Variants in LSAMP observed in about 807,000 individuals in gnomAD.
LSAMP encodes limbic system-associated membrane protein.
A neutral mutation model predicts 38.6 loss-of-function variants in LSAMP; 7 were observed. The observed-to-expected ratio is 0.18, with a 90% confidence interval of 0.10 to 0.34. LSAMP has a LOEUF of 0.34. Ranked by LOEUF, LSAMP falls within the 10% of genes least tolerant of loss-of-function variation. The probability of loss-of-function intolerance (pLI) is 1.00; values close to 1 mark genes in which losing one functional copy is unlikely to be tolerated. For missense variants in LSAMP, 313 were observed against 420.0 expected, an observed-to-expected ratio of 0.75 and a Z score of 2.23; for synonymous variants, 154 against 166.8, an observed-to-expected ratio of 0.92 and a Z score of 0.59.
intron 1 of LSAMP, among the ~76,000 whole-genome samples, chr3:116,355,894 T>A (rs2048215962): frequency 6.6e-6 from 1 of 152,174 alleles, no homozygotes; most frequent in East Asian, 1.9e-4. Flanking sequence ...TCATTCCAGT[T>A]AAAATGGCTT....
intron 1 of LSAMP, among the ~76,000 whole-genome samples, chr3:116,173,061 A>G (rs1002385494): frequency 2.0e-5 from 3 of 152,078 alleles, no homozygotes; most frequent in African/African-American, 7.2e-5. Context: ...ATTTCAACAT[A>G]CATGAATGTT....
chr3:116,317,356 C>CTTT (rs71616348), intron 1 of LSAMP, among the ~76,000 whole-genome samples: 2 of 140,050 alleles, frequency 1.4e-5, no homozygotes, highest in Non-Finnish European at 1.6e-5. Context: ...CTCTTTCTTT[C>CTTT]TTTTTTTTTT....
intron 2 of LSAMP, among the ~76,000 whole-genome samples, chr3:116,037,323 G>C (rs1941068838): frequency 6.6e-6 from 1 of 152,254 alleles, no homozygotes; most frequent in African/African-American, 2.4e-5. Flanking sequence ...ATAATAGTGA[G>C]AGGGACAAAC....
chr3:116,041,337 T>G (rs567567868), intron 2 of LSAMP, among the ~76,000 whole-genome samples: 1 of 152,264 alleles, frequency 6.6e-6, no homozygotes, highest in South Asian at 2.1e-4. Flanking sequence ...AGTTGCTTGT[T>G]AATGAACATC....
At chr3:116,306,657 C>T (rs912611056) in intron 1 of LSAMP, among the ~76,000 whole-genome samples, 5 of 151,924 alleles carry the variant, frequency 3.3e-5, no homozygotes, top group African/African-American at 1.2e-4. Context: ...GATTCCACAG[C>T]TGCAGGGAAA....
intron 3 of LSAMP, among the ~76,000 whole-genome samples, chr3:115,894,030 CT>C (rs1270359829): frequency 6.6e-6 from 1 of 151,990 alleles, no homozygotes; most frequent in Non-Finnish European, 1.5e-5. Context: ...TTCATGTCTG[CT>C]TTCTCCCTTT....
At chr3:115,813,049 CACAT>C (rs1933890448) in intron 6 of LSAMP, among the ~76,000 whole-genome samples, 1 of 151,940 alleles carries the variant, frequency 6.6e-6, no homozygotes, top group Admixed American at 6.6e-5. Context: ...ATGATATACA[CACAT>C]ATTATTGATC....
chr3:116,324,508 T>C (rs867226998), intron 1 of LSAMP, among the ~76,000 whole-genome samples: 4 of 152,196 alleles, frequency 2.6e-5, no homozygotes, highest in African/African-American at 7.2e-5. Context: ...CTGATCTATA[T>C]AGACATTTAC....
intron 1 of LSAMP, among the ~76,000 whole-genome samples, chr3:116,251,233 TC>T (rs1274335753): frequency 6.6e-6 from 1 of 152,214 alleles, no homozygotes; most frequent in Non-Finnish European, 1.5e-5. Flanking sequence ...TGATTAAACA[TC>T]AATTTAACTT....
chr3:115,912,900 A>G (rs184491052), intron 3 of LSAMP, among the ~76,000 whole-genome samples: 1 of 152,234 alleles, frequency 6.6e-6, no homozygotes, highest in Admixed American at 6.5e-5. Flanking sequence ...TGTTCCTTAC[A>G]TCCTGAGGTC....
At chr3:116,087,031 T>C (rs1251236298) in intron 1 of LSAMP, among the ~76,000 whole-genome samples, 3 of 152,346 alleles carry the variant, frequency 2.0e-5, no homozygotes, top group African/African-American at 7.2e-5. Flanking sequence ...ACTAGACTTC[T>C]GAGTTTACTT....
At chr3:115,812,631 G>A (rs530891120) in intron 6 of LSAMP, among the ~76,000 whole-genome samples, 63 of 152,102 alleles carry the variant, frequency 4.1e-4, no homozygotes, top group Admixed American at 9.2e-4. Flanking sequence ...ATGTTTGGTT[G>A]TATTTGTGTA....
At chr3:115,887,263 C>T (rs866137319) in intron 3 of LSAMP, among the ~76,000 whole-genome samples, 3 of 151,762 alleles carry the variant, frequency 2.0e-5, no homozygotes, top group African/African-American at 7.3e-5. Flanking sequence ...TATGTAAGAG[C>T]AACTTTTCTC....
chr3:116,249,390 AT>A (rs11341717), intron 1 of LSAMP, among the ~76,000 whole-genome samples: 103,826 of 148,102 alleles, frequency 0.7, 37,970 homozygotes, highest in South Asian at 0.81. Flanking sequence ...AAGATTCTAT[AT>A]TTTTTTTTTT....
intron 1 of LSAMP, among the ~76,000 whole-genome samples, chr3:116,333,247 T>C (rs967136178): frequency 6.6e-6 from 1 of 151,954 alleles, no homozygotes; most frequent in African/African-American, 2.4e-5. Flanking sequence ...TCTCAATCAA[T>C]TTAAGAAAAT....
At chr3:116,040,275 GAC>G (rs1257176516) in intron 2 of LSAMP, among the ~76,000 whole-genome samples, 1 of 152,142 alleles carries the variant, frequency 6.6e-6, no homozygotes, top group African/African-American at 2.4e-5. Context: ...GGACTTAAGA[GAC>G]ACAGGTCAAG....
chr3:115,877,526 T>C (rs963739014), intron 3 of LSAMP, among the ~76,000 whole-genome samples: 2 of 152,082 alleles, frequency 1.3e-5, no homozygotes, highest in Non-Finnish European at 2.9e-5. Context: ...AGAACGACAA[T>C]GTAGCTCAGA....
intron 3 of LSAMP, among the ~76,000 whole-genome samples, chr3:115,988,593 C>T (rs942240952): frequency 2.6e-5 from 4 of 152,014 alleles, no homozygotes; most frequent in East Asian, 1.9e-4. Flanking sequence ...CACACCATTG[C>T]GACTTAGAGA....
chr3:116,083,350 A>G (rs766867657), intron 2 of LSAMP, among the ~76,000 whole-genome samples: 2 of 152,236 alleles, frequency 1.3e-5, no homozygotes, highest in African/African-American at 2.4e-5. Context: ...GTTTACATAG[A>G]TCATCTAATC....
Sources: allele counts gnomAD v4.1 joint callset (sites outside exome capture counted in the v4.1 genomes callset), GRCh38; gene constraint gnomAD v4.1.1; transcripts MANE v1.5; gene names NCBI Gene and HGNC (gene_info 2026-07-23, HGNC 2026-07-21).